Variants in KLRF1 observed in about 807,000 individuals in gnomAD.
KLRF1 encodes the protein killer cell lectin like receptor F1.
A neutral mutation model predicts 30.7 loss-of-function variants in KLRF1; 27 were observed. The ratio of observed to expected loss-of-function variants is 0.88; its 90% CI spans 0.65 to 1.21. The LOEUF is 1.21. Among genes scored for constraint, KLRF1 ranks in the 50% most tolerant of loss-of-function variants. The pLI is 0.00. For synonymous variants in KLRF1, 92 were observed against 89.3 expected (o/e 1.03, Z -0.17); for missense variants, 246 against 259.3 (o/e 0.95, Z 0.35).
At chr12:9,822,703 G>T (rs1409922930), upstream of KLRF1, among the ~76,000 whole-genome samples, 2 of 152,002 alleles carry the variant, frequency 1.3e-5, no homozygotes, top group South Asian at 2.1e-4. Context: ...AAAGCTCAAT[G>T]GTATGCTATC....
chr12:9,817,611 G>T, the KLRF1 span: 1 of 301,360 alleles, frequency 3.3e-6, no homozygotes, highest in Non-Finnish European at 6.8e-6. Flanking sequence ...CTTCTTTGAA[G>T]GTCCACGGTT....
At chr12:9,833,590 A>C (rs1002252926) in intron 3 of KLRF1, 138 bp downstream of exon 3, 1 of 643,348 alleles carries the variant, frequency 1.6e-6, no homozygotes. Flanking sequence ...TCAAAACTCG[A>C]TTTAGGTATC....
At chr12:9,840,881 G>T (rs1353892246) in intron 3 of KLRF1, among the ~76,000 whole-genome samples, 1 of 152,084 alleles carries the variant, frequency 6.6e-6, no homozygotes, top group African/African-American at 2.4e-5. Context: ...CGTTATGGGA[G>T]ACTGTGTGGC....
intron 3 of KLRF1, among the ~76,000 whole-genome samples, chr12:9,834,923 A>G (rs2539935): frequency 0.011 from 1,650 of 152,178 alleles, 25 homozygotes; most frequent in African/African-American, 0.038. Context: ...GCAGCTAAAG[A>G]GTCAACTTGG....
intron 4 of KLRF1, 151 bp downstream of exon 4, chr12:9,842,102 C>G: frequency 1.0e-6 from 1 of 957,660 alleles, no homozygotes. Flanking sequence ...GAGTGCCTCA[C>G]TTCTCATGCT....
chr12:9,835,156 T>C lies in KLRF1; in HGVS notation c.334+1704T>C, dbSNP rs576872834. ...GGGAACAGGGAGCTCTTCGGTCCTA[T>C]TTGCAAATTGAATTTTGGGAGTAAG... On this transcript the variant is annotated intron_variant, in intron 3 of 5. Transcript: ENST00000617889. Among the ~76,000 whole-genome samples the C allele has an allele frequency of 1.6e-4, 24 of 152,228 alleles. 1 individual carries two copies. Among genetic ancestry groups the C allele is most frequent in the African/African-American group, 5.3e-4 (22 of 41,540 alleles).
chr12:9,825,933 A>G (rs1021675152), upstream of KLRF1, among the ~76,000 whole-genome samples: 3 of 152,202 alleles, frequency 2.0e-5, no homozygotes, highest in South Asian at 2.1e-4. Flanking sequence ...GTGTCAAATA[A>G]TGGCCAAAGA....
rs775808493 is a variant in KLRF1, at chr12:9,827,603, C to T, written c.59C>T (p.Ala20Val). 5 of 1,604,748 alleles carry T rather than the reference C, an allele frequency of 3.1e-6. No homozygotes were observed. The highest frequency in any genetic ancestry group is 3.4e-6 in the Non-Finnish European group (4 of 1,173,624). The change falls in exon 1 of 6, where the codon GCC (alanine) becomes GTC (valine). Residue 20 changes from alanine to valine, a missense_variant. Transcript: ENST00000617889. The stretch of plus-strand genomic sequence containing the variant: ...GTACAGTCAAAGAAAAGGAGTTCTG[C>T]CCAAACATCTCAACTTACATTTAAA... ...LNVQSKKRSS[A>V]QTSQLTFKDY...
chr12:9,831,859 C>A (rs773479064), intron 1 of KLRF1, among the ~76,000 whole-genome samples: 2 of 152,000 alleles, frequency 1.3e-5, no homozygotes, highest in East Asian at 3.9e-4. Flanking sequence ...AGCAGGATAC[C>A]TAAAGCCATA....
At chr12:9,812,853 G>A in the KLRF1 span, among the ~76,000 whole-genome samples, 4 of 152,170 alleles carry the variant, frequency 2.6e-5, no homozygotes, top group African/African-American at 7.2e-5. Context: ...TATTGTTGTT[G>A]CTTTCTCTTT....
At chr12:9,841,563 A>G (rs1221709369) in intron 3 of KLRF1, among the ~76,000 whole-genome samples, 5 of 152,098 alleles carry the variant, frequency 3.3e-5, no homozygotes. Flanking sequence ...ATTTTAGTCA[A>G]TATAATAGAT....
the KLRF1 span, among the ~76,000 whole-genome samples, chr12:9,810,341 A>C: frequency 6.6e-6 from 1 of 152,322 alleles, no homozygotes; most frequent in East Asian, 1.9e-4. Context: ...AGCTGTGTTA[A>C]TAAGTGGTTA....
intron 4 of KLRF1, 77 bp from the exon 5 acceptor site, chr12:9,842,244 G>A: frequency 6.5e-7 from 1 of 1,527,506 alleles, no homozygotes; most frequent in South Asian, 1.2e-5. Context: ...GTGCTTTTTT[G>A]CAATAACATT....
At chr12:9,835,539 C>A (rs1184020009) in intron 3 of KLRF1, among the ~76,000 whole-genome samples, 1 of 151,930 alleles carries the variant, frequency 6.6e-6, no homozygotes, top group African/African-American at 2.4e-5. Flanking sequence ...GGGAAGGTAG[C>A]CGAGGATGGA....
the KLRF1 span, chr12:9,817,962 C>T: frequency 5.7e-5 from 12 of 209,844 alleles, no homozygotes; most frequent in Non-Finnish European, 9.9e-5. Context: ...GTTTGGTCCT[C>T]ATCATACGAA....
the KLRF1 span, among the ~76,000 whole-genome samples, chr12:9,818,517 T>C: frequency 6.6e-6 from 1 of 152,154 alleles, no homozygotes; most frequent in Non-Finnish European, 1.5e-5. Flanking sequence ...AACTCTTAAG[T>C]ATTGATGTTA....
intron 3 of KLRF1, among the ~76,000 whole-genome samples, chr12:9,841,561 C>T (rs932105745): frequency 6.6e-6 from 1 of 151,932 alleles, no homozygotes; most frequent in African/African-American, 2.4e-5. Flanking sequence ...CTATTTTAGT[C>T]AATATAATAG....
chr12:9,826,538 G>T (rs1210444417), upstream of KLRF1, among the ~76,000 whole-genome samples: 1 of 152,018 alleles, frequency 6.6e-6, no homozygotes, highest in African/African-American at 2.4e-5. Context: ...ATACCCAAAG[G>T]AATATAAATC....
chr12:9,802,401 G>C, the KLRF1 span, among the ~76,000 whole-genome samples: 2 of 152,038 alleles, frequency 1.3e-5, no homozygotes, highest in Non-Finnish European at 2.9e-5. Flanking sequence ...GCAAAAGCTG[G>C]AAGCATTCAC....
Sources: gnomAD v4.1 joint callset for allele counts (sites outside exome capture counted in the v4.1 genomes callset) on GRCh38, gnomAD v4.1.1 for gene constraint, MANE v1.5 for transcripts, NCBI Gene and HGNC (gene_info 2026-07-23, HGNC 2026-07-21) for gene names.